The following NCALD variants were observed in gnomAD, a reference collection of about 807,000 sequenced individuals.
NCALD encodes the protein neurocalcin delta.
NCALD carries 10 observed loss-of-function variants against 18.6 expected under a neutral mutation model. The observed-to-expected ratio is 0.54, with a 90% CI of 0.33 to 0.91. The LOEUF (loss-of-function observed/expected upper bound fraction) is 0.91, where lower values mean the gene tolerates loss of function less well. Among genes scored for constraint, NCALD ranks in the 40% least tolerant of loss-of-function variants. The probability of loss-of-function intolerance (pLI) is 0.03; values close to 1 mark genes in which losing one functional copy is unlikely to be tolerated. For missense variants in NCALD, 184 were observed against 247.6 expected (o/e 0.74, Z 1.72); for synonymous variants, 88 against 87.4 (o/e 1.01, Z -0.04).
intron 4 of NCALD, among the ~76,000 whole-genome samples, chr8:101,819,530 C>T (rs1813635029): frequency 6.6e-6 from 1 of 151,886 alleles, no homozygotes; most frequent in African/African-American, 2.4e-5. Flanking sequence ...CCAATTTATC[C>T]CAGTGAGATT....
chr8:102,119,602 AG>A (rs931063901), intron 1 of NCALD, among the ~76,000 whole-genome samples: 2 of 152,240 alleles, frequency 1.3e-5, no homozygotes, highest in Admixed American at 1.3e-4. Context: ...GTTTTTTAAA[AG>A]GTTGTATTCA....
intron 1 of NCALD, among the ~76,000 whole-genome samples, chr8:102,088,536 C>T (rs967507684): frequency 2.0e-5 from 3 of 150,166 alleles, no homozygotes; most frequent in Non-Finnish European, 4.4e-5. Flanking sequence ...CAGGAGGTGC[C>T]ATAGATCCTG....
intron 3 of NCALD, among the ~76,000 whole-genome samples, chr8:101,898,118 T>G (rs981689680): frequency 6.6e-6 from 1 of 152,234 alleles, no homozygotes; most frequent in Admixed American, 6.5e-5. Flanking sequence ...CATGTTGAAC[T>G]GTGAATCAAT....
At chr8:101,733,123 G>A (rs16868276) in intron 1 of NCALD, among the ~76,000 whole-genome samples, 1 of 151,976 alleles carries the variant, frequency 6.6e-6, no homozygotes, top group Admixed American at 6.5e-5. Flanking sequence ...GGTTTCAGTG[G>A]CTGCTTCTGT....
At chr8:101,872,343 A>G in intron 4 of NCALD, 17 of 1,516,866 alleles carry the variant, frequency 1.1e-5, no homozygotes, top group Non-Finnish European at 1.6e-5. Context: ...TTTCAATAGC[A>G]TGTTCATCCT....
At chr8:101,853,306 A>C (rs1444278349) in intron 4 of NCALD, among the ~76,000 whole-genome samples, 1 of 152,188 alleles carries the variant, frequency 6.6e-6, no homozygotes, top group Admixed American at 6.6e-5. Flanking sequence ...CAGCTTTGGA[A>C]CCTTCTTGAT....
intron 1 of NCALD, among the ~76,000 whole-genome samples, chr8:102,115,700 C>T (rs1825761904): frequency 6.6e-6 from 1 of 152,184 alleles, no homozygotes; most frequent in African/African-American, 2.4e-5. Flanking sequence ...GTGGATGCTT[C>T]CTGAAGCATG....
intron 1 of NCALD, among the ~76,000 whole-genome samples, chr8:102,044,506 C>T (rs1417409104): frequency 6.6e-6 from 1 of 152,176 alleles, no homozygotes; most frequent in Non-Finnish European, 1.5e-5. Flanking sequence ...TTTCTACCAA[C>T]CATTTCTAAA....
At chr8:101,843,585 T>G (rs1017497832) in intron 4 of NCALD, among the ~76,000 whole-genome samples, 27 of 148,664 alleles carry the variant, frequency 1.8e-4, no homozygotes, top group African/African-American at 3.8e-4. Flanking sequence ...AAAAATTGTT[T>G]TTTTTTTTTT....
intron 1 of NCALD, among the ~76,000 whole-genome samples, chr8:102,084,776 T>A (rs1824681371): frequency 6.6e-6 from 1 of 152,190 alleles, no homozygotes; most frequent in South Asian, 2.1e-4. Context: ...AAGCAGCTGA[T>A]CACCACTTTC....
chr8:102,121,240 A>C (rs1331712789), intron 1 of NCALD, among the ~76,000 whole-genome samples: 1 of 152,118 alleles, frequency 6.6e-6, no homozygotes, highest in African/African-American at 2.4e-5. Context: ...TTTTGTTTAC[A>C]ACGCTTTAAA....
At chr8:101,782,462 T>C (rs1342727448) in intron 1 of NCALD, among the ~76,000 whole-genome samples, 1 of 152,136 alleles carries the variant, frequency 6.6e-6, no homozygotes, top group East Asian at 1.9e-4. Context: ...TCACCCCACT[T>C]AACATGTACA....
chr8:101,941,233 G>A (rs1818943824), intron 2 of NCALD, among the ~76,000 whole-genome samples: 2 of 152,188 alleles, frequency 1.3e-5, no homozygotes, highest in Non-Finnish European at 2.9e-5. Context: ...GGAGGACATG[G>A]TTTCGGGATG....
At chr8:101,821,881 TAAAAAAAAAAAA>T (rs370878560) in intron 4 of NCALD, among the ~76,000 whole-genome samples, 4 of 116,496 alleles carry the variant, frequency 3.4e-5, no homozygotes, top group South Asian at 2.9e-4. Context: ...GGGTTCTAAG[TAAAAAAAAAAAA>T]AAAAAAAAAA....
chr8:101,925,605 T>C (rs777680070), intron 2 of NCALD, among the ~76,000 whole-genome samples: 4 of 152,208 alleles, frequency 2.6e-5, no homozygotes, highest in African/African-American at 4.8e-5. Flanking sequence ...ATTATTTATA[T>C]GTTAAATACA....
rs549523571 is a variant in NCALD at position 101,776,462 on chromosome 8, T to G, written c.-20+14400A>C. ...CTTCCTTTTGACAACCAGTAATTTTTTTTTTAATATTAAGTTTGCAGAAAT... is the reference window on the plus strand; with the variant it reads ...CTTCCTTTTGACAACCAGTAATTTTGTTTTTAATATTAAGTTTGCAGAAAT... On this transcript the variant is annotated intron_variant, in intron 1 of 3. Coordinates refer to ENST00000220931, the MANE Select transcript of NCALD (RefSeq NM_032041.3). 3.3e-5 allele frequency among the ~76,000 whole-genome samples: 5 copies of G among 152,314 alleles called. No homozygotes were observed. In the East Asian group the frequency reaches 9.6e-4, roughly 29 times the overall value.
upstream of NCALD, among the ~76,000 whole-genome samples, chr8:101,792,734 G>A (rs564912369): frequency 2.5e-4 from 38 of 152,216 alleles, no homozygotes; most frequent in Middle Eastern, 6.8e-3. Flanking sequence ...CTGGACCCAC[G>A]TTCTCTGAGC....
chr8:101,853,472 TA>T (rs908471836), intron 4 of NCALD, among the ~76,000 whole-genome samples: 9 of 152,186 alleles, frequency 5.9e-5, no homozygotes, highest in African/African-American at 1.9e-4. Flanking sequence ...ATTGCAGTAC[TA>T]AAATCTGATG....
intron 2 of NCALD, among the ~76,000 whole-genome samples, chr8:101,697,675 C>A (rs1246162820): frequency 6.6e-6 from 1 of 152,062 alleles, no homozygotes; most frequent in East Asian, 1.9e-4. Context: ...ATCATATAAA[C>A]AGAAACATAT....
Sources: allele counts gnomAD v4.1 joint callset (sites outside exome capture counted in the v4.1 genomes callset), GRCh38; gene constraint gnomAD v4.1.1; transcripts MANE v1.5; gene names NCBI Gene and HGNC (gene_info 2026-07-23, HGNC 2026-07-21).